Variants in CCDC6 observed in about 807,000 individuals in gnomAD.
CCDC6 encodes the protein coiled-coil domain-containing protein 6.
Under a neutral mutation model 56.6 loss-of-function variants are expected in CCDC6, and 20 were observed. The observed-to-expected ratio is 0.35, with a 90% CI of 0.25 to 0.51. CCDC6 has a LOEUF of 0.51. CCDC6 is among the 20% of genes least tolerant of loss of function. The pLI, the probability that CCDC6 is intolerant of heterozygous loss-of-function variation, is 0.95. For synonymous variants in CCDC6, 241 were observed against 234.4 expected, an observed-to-expected ratio of 1.03 and a Z score of -0.26; for missense variants, 367 against 601.1, an observed-to-expected ratio of 0.61 and a Z score of 4.07.
intron 2 of CCDC6, among the ~76,000 whole-genome samples, chr10:59,851,131 GA>G (rs372606692): frequency 0.22 from 10,459 of 47,028 alleles, 223 homozygotes; most frequent in Non-Finnish European, 0.25. Context: ...CATGTAAATT[GA>G]AAAAAAAAAA....
chr10:59,896,670 G>C (rs1437225189), intron 1 of CCDC6, among the ~76,000 whole-genome samples: 3 of 151,802 alleles, frequency 2.0e-5, no homozygotes, highest in African/African-American at 7.3e-5. Flanking sequence ...GTTTACCAGG[G>C]AGGAAAAAAA....
At chr10:59,877,319 G>A (rs201057909) in intron 1 of CCDC6, among the ~76,000 whole-genome samples, 20 of 152,134 alleles carry the variant, frequency 1.3e-4, no homozygotes, top group Non-Finnish European at 2.4e-4. Context: ...GGATGTCTGC[G>A]ATCATCAATA....
chr10:59,886,272 G>A (rs962546442), intron 1 of CCDC6, among the ~76,000 whole-genome samples: 1 of 152,138 alleles, frequency 6.6e-6, no homozygotes, highest in African/African-American at 2.4e-5. Flanking sequence ...AGCTTCTGGA[G>A]GAAGAAGGAG....
At chr10:59,815,027 T>C (rs967360012) in intron 3 of CCDC6, among the ~76,000 whole-genome samples, 1 of 152,196 alleles carries the variant, frequency 6.6e-6, no homozygotes, top group African/African-American at 2.4e-5. Context: ...AAGTCCTCCT[T>C]AGAGAGGTCT....
At chr10:59,824,115 C>T (rs1048318588) in intron 3 of CCDC6, among the ~76,000 whole-genome samples, 2 of 152,178 alleles carry the variant, frequency 1.3e-5, no homozygotes, top group African/African-American at 4.8e-5. Context: ...TAAAGTCTTA[C>T]AAGACTTACA....
At chr10:59,867,262 T>C (rs2071185709) in intron 1 of CCDC6, among the ~76,000 whole-genome samples, 1 of 152,150 alleles carries the variant, frequency 6.6e-6, no homozygotes, top group South Asian at 2.1e-4. Context: ...GATGGACCCC[T>C]TCTCTCAGCC....
At chr10:59,809,524 G>A (rs935642089) in intron 5 of CCDC6, among the ~76,000 whole-genome samples, 2 of 152,132 alleles carry the variant, frequency 1.3e-5, no homozygotes, top group Admixed American at 1.3e-4. Context: ...ACACACAGAA[G>A]GCTGTCACCA....
chr10:59,824,678 A>AGAGGAGGAG (rs140235486), intron 3 of CCDC6, among the ~76,000 whole-genome samples: 4,289 of 152,136 alleles, frequency 0.028, 169 homozygotes, highest in African/African-American at 0.079. Flanking sequence ...GGAAGAGAAA[A>AGAGGAGGAG]GAGGAGGAGG....
At chr10:59,827,455 A>G (rs2070797706) in intron 3 of CCDC6, among the ~76,000 whole-genome samples, 3 of 152,188 alleles carry the variant, frequency 2.0e-5, no homozygotes, top group Admixed American at 6.5e-5. Context: ...TTTAGTACAC[A>G]TGGAGTGTGA....
intron 1 of CCDC6, among the ~76,000 whole-genome samples, chr10:59,901,791 C>T (rs2071505113): frequency 1.3e-5 from 2 of 152,102 alleles, no homozygotes; most frequent in Admixed American, 6.5e-5. Context: ...ATTTCCTCAC[C>T]TTCTCTAAGA....
chr10:59,881,367 GA>G (rs1175042299), intron 1 of CCDC6, among the ~76,000 whole-genome samples: 2 of 151,940 alleles, frequency 1.3e-5, no homozygotes, highest in Non-Finnish European at 2.9e-5. Context: ...ACATTCATAA[GA>G]AAAAAAGAAA....
chr10:59,840,311 G>C (rs2070926625), intron 2 of CCDC6, among the ~76,000 whole-genome samples: 1 of 152,116 alleles, frequency 6.6e-6, no homozygotes, highest in Non-Finnish European at 1.5e-5. Flanking sequence ...TTTTCTATCT[G>C]CAGTACATAA....
At chr10:59,867,891 A>G (rs1488855730) in intron 1 of CCDC6, among the ~76,000 whole-genome samples, 1 of 152,044 alleles carries the variant, frequency 6.6e-6, no homozygotes, top group Non-Finnish European at 1.5e-5. Flanking sequence ...AAATCTACCT[A>G]TGACCTGGAA....
At chr10:59,857,078 C>T (rs954773054) in intron 1 of CCDC6, among the ~76,000 whole-genome samples, 1 of 152,072 alleles carries the variant, frequency 6.6e-6, no homozygotes, top group African/African-American at 2.4e-5. Flanking sequence ...TGCCCCTCAC[C>T]GAGCAGTAAT....
chr10:59,861,959 G>A (rs962780201), intron 1 of CCDC6, among the ~76,000 whole-genome samples: 9 of 152,112 alleles, frequency 5.9e-5, no homozygotes, highest in African/African-American at 2.2e-4. Context: ...GATCCAAGAA[G>A]CTCAGAAAGT....
intron 1 of CCDC6, among the ~76,000 whole-genome samples, chr10:59,853,340 C>G (rs547127980): frequency 5.9e-5 from 9 of 152,158 alleles, no homozygotes; most frequent in African/African-American, 1.9e-4. Context: ...TGAGACCAGC[C>G]TGGGCAGCAT....
rs16914147 is a variant in CCDC6, at chr10:59,800,901, C to G, written c.1105+3519G>C. ...TGATATGGAAATGTATTAACAAAAG[C>G]CAAAATTCTAAGATTTATTTCACTG... is the stretch of plus-strand genomic sequence containing the variant. On this transcript the variant is annotated intron_variant, in intron 7 of 8. Coordinates refer to ENST00000263102, the MANE Select transcript of CCDC6 (RefSeq NM_005436.5). 2.4e-3 allele frequency among the ~76,000 whole-genome samples: 356 copies of G among 151,428 alleles called. 3 individuals are homozygous for G. The highest frequency in any genetic ancestry group is 8.0e-3 in the African/African-American group (332 of 41,340).
rs191054834 is a variant in CCDC6, at chr10:59,834,854, G to A, written c.454-2201C>T. Reference sequence around the variant, plus strand: ...AACAAGAAGAGTTCCCAGCACTTTCGACAAAAAGAACCCAATGAAACAAGC... The same window carrying A: ...AACAAGAAGAGTTCCCAGCACTTTCAACAAAAAGAACCCAATGAAACAAGC... On this transcript the variant is annotated intron_variant, in intron 2 of 8. Coordinates refer to ENST00000263102, the MANE Select transcript of CCDC6 (RefSeq NM_005436.5). Among the ~76,000 whole-genome samples the A allele has an allele frequency of 2.7e-3, 410 of 152,232 alleles. 7 individuals carry two copies. Among genetic ancestry groups the A allele is most frequent in the Admixed American group, 3.4e-3 (52 of 15,294 alleles).
chr10:59,838,072 C>T (rs1234921321), intron 2 of CCDC6, among the ~76,000 whole-genome samples: 2 of 152,114 alleles, frequency 1.3e-5, no homozygotes, highest in African/African-American at 4.8e-5. Flanking sequence ...GAAATTCAGA[C>T]TCCCACTTCA....
Sources: gnomAD v4.1 joint callset for allele counts (sites outside exome capture counted in the v4.1 genomes callset) on GRCh38, gnomAD v4.1.1 for gene constraint, MANE v1.5 for transcripts, NCBI Gene and HGNC (gene_info 2026-07-23, HGNC 2026-07-21) for gene names.